The following MEGF11 variants were observed in gnomAD, a reference collection of about 807,000 sequenced individuals.
MEGF11 encodes multiple epidermal growth factor-like domains protein 11.
MEGF11 carries 126 observed loss-of-function variants against 146.6 expected under a neutral mutation model. The ratio of observed to expected loss-of-function variants is 0.86; its 90% CI spans 0.74 to 1.00. The LOEUF (loss-of-function observed/expected upper bound fraction) is 1.00, where lower values mean the gene tolerates loss of function less well. Among genes scored for constraint, MEGF11 ranks in the 50% least tolerant of loss-of-function variants. The pLI is 0.00. For synonymous variants in MEGF11, 532 were observed against 583.4 expected (o/e 0.91, Z 1.27); for missense variants, 1,509 against 1,521.2 (o/e 0.99, Z 0.13).
At chr15:66,077,660 C>T (rs761033730) in intron 5 of MEGF11, among the ~76,000 whole-genome samples, 1 of 152,198 alleles carries the variant, frequency 6.6e-6, no homozygotes, top group Non-Finnish European at 1.5e-5. Flanking sequence ...ACAAGAAAGA[C>T]GTGGGTCCTG....
At chr15:66,130,062 G>C (rs1238140455) in intron 1 of MEGF11, among the ~76,000 whole-genome samples, 1 of 152,122 alleles carries the variant, frequency 6.6e-6, no homozygotes, top group Non-Finnish European at 1.5e-5. Flanking sequence ...CATCCCCAGA[G>C]ACCCAATGAG....
chr15:65,972,873 C>T (rs1389061878), intron 7 of MEGF11, among the ~76,000 whole-genome samples: 2 of 152,118 alleles, frequency 1.3e-5, no homozygotes, highest in Non-Finnish European at 2.9e-5. Flanking sequence ...GCCTGTAATC[C>T]CAGCATTTTG....
At chr15:65,948,166 G>A (rs1030465646) in intron 10 of MEGF11, among the ~76,000 whole-genome samples, 2 of 151,822 alleles carry the variant, frequency 1.3e-5, no homozygotes, top group Admixed American at 6.6e-5. Context: ...ACATCAGTAC[G>A]TGTCTGCTGT....
chr15:66,233,951 CTTTTTT>C (rs57240560), intron 1 of MEGF11, among the ~76,000 whole-genome samples: 5 of 119,932 alleles, frequency 4.2e-5, no homozygotes, highest in Non-Finnish European at 8.3e-5. Flanking sequence ...TTTTCTTTTT[CTTTTTT>C]TTTTTTTTTT....
At position 65,895,664 on chromosome 15, in the gene MEGF11, A is replaced by C. The variant is rs1214531009; in HGVS notation, c.*2270T>G. 1 of 152,606 alleles carries C rather than the reference A, an allele frequency of 6.6e-6. No homozygotes were observed. The highest frequency in any genetic ancestry group is 1.5e-5 in the Non-Finnish European group (1 of 68,038). The allele number at this position is 152,606 out of a possible 1,614,324, so 9.5% of individuals were successfully genotyped here. A position where few individuals can be genotyped will look rare whatever the true frequency, so the allele number is the denominator to read the frequency against. On this transcript the variant is annotated 3_prime_UTR_variant, in exon 26 of 26. Transcript: ENST00000395614. The stretch of plus-strand genomic sequence containing the variant: ...AGGGGAAGGCAGCTATTGTCACCAT[A>C]ATCACACCCTCTGCCTTTCCCTTCT...
chr15:66,038,683 G>A (rs1023253301), intron 5 of MEGF11, among the ~76,000 whole-genome samples: 2 of 152,076 alleles, frequency 1.3e-5, no homozygotes, highest in African/African-American at 4.8e-5. Flanking sequence ...AGCAGCCCAA[G>A]GTCACACCTA....
At chr15:66,009,956 G>A (rs1001967977) in intron 5 of MEGF11, among the ~76,000 whole-genome samples, 2 of 152,130 alleles carry the variant, frequency 1.3e-5, no homozygotes, top group Non-Finnish European at 2.9e-5. Context: ...TTTGTCCAAA[G>A]CTGTAGGTAT....
intron 5 of MEGF11, among the ~76,000 whole-genome samples, chr15:66,084,225 T>A (rs1428607727): frequency 6.6e-6 from 1 of 152,016 alleles, no homozygotes; most frequent in Non-Finnish European, 1.5e-5. Flanking sequence ...TAATAAGTGG[T>A]TAATATCCAG....
chr15:65,982,634 T>C lies in MEGF11; in HGVS notation c.395-146A>G. The stretch of plus-strand genomic sequence containing the variant: ...AGCAAGGGGTGCCTGGAAGCTTTGG[T>C]GCCTCATAACCTGCATCAGTTCTTC... On this transcript the variant is annotated intron_variant, in intron 5 of 25. Coordinates refer to ENST00000395614, the MANE Select transcript of MEGF11 (RefSeq NM_001385028.1). This position sits in a 1 kb window ranked among gnomAD's most constrained non-coding sequence, Gnocchi z 5.6. 1 of 943,656 alleles carries C rather than the reference T, an allele frequency of 1.1e-6. No individual in the cohort carries two copies. Among genetic ancestry groups the C allele is most frequent in the Non-Finnish European group, 1.5e-6 (1 of 673,430 alleles). The allele number at this position is 943,656 out of a possible 1,614,324, so 58.5% of individuals were successfully genotyped here.
At chr15:66,159,346 T>C (rs906947242) in intron 1 of MEGF11, among the ~76,000 whole-genome samples, 1 of 152,208 alleles carries the variant, frequency 6.6e-6, no homozygotes, top group Admixed American at 6.5e-5. Flanking sequence ...CCTCCTCTAC[T>C]GCAGACCTGT....
intron 22 of MEGF11, 83 bp downstream of exon 22, chr15:65,909,657 C>A: frequency 1.5e-6 from 2 of 1,346,626 alleles, no homozygotes; most frequent in South Asian, 1.3e-5. Flanking sequence ...ATAACCCTGT[C>A]CCTTCAAGCT....
chr15:66,241,113 G>C (rs540301820), intron 1 of MEGF11, among the ~76,000 whole-genome samples: 1 of 152,228 alleles, frequency 6.6e-6, no homozygotes, highest in East Asian at 1.9e-4. Flanking sequence ...GCCCTCTTGG[G>C]ATCTGGGCCG....
intron 1 of MEGF11, among the ~76,000 whole-genome samples, chr15:66,169,027 CT>C (rs988174403): frequency 1.3e-5 from 2 of 152,158 alleles, no homozygotes; most frequent in Admixed American, 1.3e-4. Context: ...TTTCTTTTTA[CT>C]TTTTTAAAGT....
chr15:66,052,433 G>A (rs2140356566), intron 5 of MEGF11, among the ~76,000 whole-genome samples: 1 of 152,312 alleles, frequency 6.6e-6, no homozygotes, highest in African/African-American at 2.4e-5. Flanking sequence ...ACTTGAAAGA[G>A]CTCTCAAAAG....
chr15:66,002,737 G>C (rs2082402932), intron 5 of MEGF11, among the ~76,000 whole-genome samples: 1 of 152,176 alleles, frequency 6.6e-6, no homozygotes, highest in African/African-American at 2.4e-5. Flanking sequence ...TGAAGGACCA[G>C]GGCTGAGCAG....
At chr15:66,184,390 G>T (rs1288070647) in intron 1 of MEGF11, among the ~76,000 whole-genome samples, 2 of 151,818 alleles carry the variant, frequency 1.3e-5, no homozygotes, top group Non-Finnish European at 2.9e-5. Context: ...CTCTTCCACA[G>T]CTCCCACCAT....
intron 1 of MEGF11, among the ~76,000 whole-genome samples, chr15:66,153,162 C>T (rs116575620): frequency 0.019 from 2,866 of 152,306 alleles, 104 homozygotes; most frequent in African/African-American, 0.065. Context: ...TCCCACACTC[C>T]CCACAGCACT....
intron 5 of MEGF11, among the ~76,000 whole-genome samples, chr15:66,008,021 G>T (rs1483474042): frequency 2.0e-5 from 3 of 152,174 alleles, no homozygotes; most frequent in Non-Finnish European, 4.4e-5. Context: ...CCTCTTCCAA[G>T]GAGGATGTAT....
At chr15:65,943,652 G>A (rs2080085810) in intron 10 of MEGF11, among the ~76,000 whole-genome samples, 1 of 152,194 alleles carries the variant, frequency 6.6e-6, no homozygotes, top group African/African-American at 2.4e-5. Flanking sequence ...CCCCCTACGT[G>A]ATCCATGTAG....
Sources: gnomAD v4.1 joint callset for allele counts (sites outside exome capture counted in the v4.1 genomes callset) on GRCh38, gnomAD v4.1.1 for gene constraint, Gnocchi (gnomAD v3.1) non-coding constraint, MANE v1.5 for transcripts, NCBI Gene and HGNC (gene_info 2026-07-23, HGNC 2026-07-21) for gene names.